Variants in KCNH7 observed in about 807,000 individuals in gnomAD.
KCNH7 encodes voltage-gated inwardly rectifying potassium channel KCNH7.
Under a neutral mutation model 120.8 loss-of-function variants are expected in KCNH7, and 49 were observed. That is an observed-to-expected ratio of 0.41 (90% confidence interval 0.32 to 0.51). KCNH7 has a LOEUF of 0.51. Among genes scored for constraint, KCNH7 ranks in the 20% least tolerant of loss-of-function variants. KCNH7 has a pLI of 0.38. For missense variants in KCNH7, 1,097 were observed against 1,446.6 expected, an observed-to-expected ratio of 0.76 and a Z score of 3.92; for synonymous variants, 547 against 516.1, an observed-to-expected ratio of 1.06 and a Z score of -0.81.
chr2:162,595,489 T>C (rs545878798), intron 2 of KCNH7, among the ~76,000 whole-genome samples: 1 of 151,952 alleles, frequency 6.6e-6, no homozygotes, highest in Admixed American at 6.6e-5. Context: ...TCATAATAAA[T>C]GCAGAAAAAG....
chr2:162,423,740 C>T (rs1455300012), intron 8 of KCNH7, among the ~76,000 whole-genome samples: 1 of 152,102 alleles, frequency 6.6e-6, no homozygotes, highest in Non-Finnish European at 1.5e-5. Flanking sequence ...TATCCAAATT[C>T]ATCATGGATT....
chr2:162,418,743 A>G (rs1377589848), intron 9 of KCNH7, among the ~76,000 whole-genome samples: 1 of 152,164 alleles, frequency 6.6e-6, no homozygotes, highest in Non-Finnish European at 1.5e-5. Flanking sequence ...AGAGAAACTA[A>G]AAGAGTTGTG....
At chr2:162,437,296 G>T (rs931458262) in intron 7 of KCNH7, among the ~76,000 whole-genome samples, 1 of 152,020 alleles carries the variant, frequency 6.6e-6, no homozygotes, top group African/African-American at 2.4e-5. Context: ...ACTAGACTCT[G>T]GTCTCTGCTC....
At chr2:162,509,730 T>C (rs1691001605) in intron 5 of KCNH7, among the ~76,000 whole-genome samples, 1 of 151,622 alleles carries the variant, frequency 6.6e-6, no homozygotes, top group Admixed American at 6.6e-5. Flanking sequence ...AGGCAGCCTA[T>C]GAGAAACAAG....
At chr2:162,438,578 GTC>G (rs1177511121) in intron 7 of KCNH7, among the ~76,000 whole-genome samples, 1 of 152,132 alleles carries the variant, frequency 6.6e-6, no homozygotes, top group East Asian at 1.9e-4. Flanking sequence ...TAGTAATTAT[GTC>G]TCTCAGTTGC....
chr2:162,615,738 C>T lies in KCNH7; in HGVS notation c.308-78658G>A, dbSNP rs1021610255. On this transcript the variant is annotated intron_variant, in intron 2 of 15. Transcript: ENST00000332142. The stretch of plus-strand genomic sequence containing the variant: ...TAAAACAATGAGGTTATGAAACTCT[C>T]CTGTTGTTTCACTCTATTTTTTTTA... Among the ~76,000 whole-genome samples the T allele has an allele frequency of 2.6e-5, 4 of 152,084 alleles. No homozygotes were observed. In the East Asian group the frequency reaches 7.7e-4, roughly 29 times the overall value.
chr2:162,684,161 A>G (rs1336183298), intron 2 of KCNH7, among the ~76,000 whole-genome samples: 5 of 152,164 alleles, frequency 3.3e-5, no homozygotes, highest in Non-Finnish European at 7.4e-5. Flanking sequence ...GAAAACTGTA[A>G]CTGGACCCCT....
intron 5 of KCNH7, among the ~76,000 whole-genome samples, chr2:162,511,221 G>C (rs1361792554): frequency 6.6e-6 from 1 of 151,630 alleles, no homozygotes; most frequent in Non-Finnish European, 1.5e-5. Context: ...ACATATATGT[G>C]AACTAGTAGT....
chr2:162,529,151 T>A (rs1691826060), intron 3 of KCNH7, among the ~76,000 whole-genome samples: 1 of 151,934 alleles, frequency 6.6e-6, no homozygotes, highest in African/African-American at 2.4e-5. Flanking sequence ...TAAAGAAAGA[T>A]ATGAGCTGGA....
intron 3 of KCNH7, among the ~76,000 whole-genome samples, chr2:162,526,131 C>A (rs536090754): frequency 6.6e-6 from 1 of 151,774 alleles, no homozygotes; most frequent in South Asian, 2.1e-4. Context: ...GTGATGCCCC[C>A]TGAGCTGTAA....
At position 162,379,865 on chromosome 2, in the gene KCNH7, T is replaced by C; in HGVS notation, c.3119A>G (p.Glu1040Gly). Residue 1040 changes from glutamate to glycine, a missense_variant, in exon 14 of 16, where the codon GAG (glutamate) becomes GGG (glycine). Glu to Gly is a moderately conservative substitution (Grantham distance 98). This residue lies in a region of KCNH7 where 406 missense variants were observed against 410.5 expected (regional missense o/e 0.99). Transcript: ENST00000332142. ...EVEQRLDLLQ[E>G]QLNRLESQMT... ...TCACTGCTTATACCTGTTAAGTTGC[T>C]CCTGGAGCAGATCTAATCTTTGTTC... is the stretch of plus-strand genomic sequence containing the variant. 2 of 1,613,980 alleles carry C rather than the reference T, an allele frequency of 1.2e-6. No individual in the cohort carries two copies. Among genetic ancestry groups the C allele is most frequent in the Non-Finnish European group, 1.7e-6 (2 of 1,179,892 alleles).
intron 2 of KCNH7, among the ~76,000 whole-genome samples, chr2:162,738,607 G>A (rs1246193298): frequency 6.6e-6 from 1 of 152,114 alleles, no homozygotes; most frequent in Admixed American, 6.6e-5. Context: ...CTGAGTTGAT[G>A]CTGATAGAGC....
chr2:162,607,329 GCAGTGAGCCAAGATTGT>G (rs1682813779), intron 2 of KCNH7, among the ~76,000 whole-genome samples: 1 of 151,594 alleles, frequency 6.6e-6, no homozygotes, highest in Non-Finnish European at 1.5e-5. Flanking sequence ...GGTGGAAGTT[GCAGTGAGCCAAGATTGT>G]CCCACTGCAC....
intron 2 of KCNH7, among the ~76,000 whole-genome samples, chr2:162,690,700 C>T (rs1686070713): frequency 6.7e-6 from 1 of 148,576 alleles, no homozygotes; most frequent in Non-Finnish European, 1.5e-5. Flanking sequence ...TTATACAACC[C>T]AACAAGGACA....
intron 2 of KCNH7, among the ~76,000 whole-genome samples, chr2:162,782,106 T>A (rs1683516865): frequency 6.6e-6 from 1 of 152,246 alleles, no homozygotes; most frequent in Non-Finnish European, 1.5e-5. Context: ...TTTTATTAAA[T>A]ACATTCAACA....
chr2:162,673,721 A>G (rs1184302854), intron 2 of KCNH7, among the ~76,000 whole-genome samples: 1 of 152,076 alleles, frequency 6.6e-6, no homozygotes, highest in Non-Finnish European at 1.5e-5. Flanking sequence ...GGAATAAATG[A>G]GTGTTTTTGT....
rs192271601 is a variant in KCNH7, at chr2:162,623,541, G to A, written c.308-86461C>T. Among the ~76,000 whole-genome samples, 13 of 152,194 alleles carry A rather than the reference G, an allele frequency of 8.5e-5. No homozygotes were observed. In the South Asian group the frequency reaches 1.0e-3, roughly 12 times the overall value. Reference sequence around the variant, plus strand: ...TCATGGACACACACTGAAAAACACCGATGTAATTAAAGTTCCTCTTAAGGT... The same window carrying A: ...TCATGGACACACACTGAAAAACACCAATGTAATTAAAGTTCCTCTTAAGGT... On this transcript the variant is annotated intron_variant, in intron 2 of 15. Coordinates refer to ENST00000332142, the MANE Select transcript of KCNH7 (RefSeq NM_033272.4).
intron 2 of KCNH7, among the ~76,000 whole-genome samples, chr2:162,621,328 A>G (rs1242604460): frequency 7.7e-6 from 1 of 130,450 alleles, no homozygotes; most frequent in Non-Finnish European, 1.5e-5. Context: ...TACTGAAGAC[A>G]TGCCCCTGCC....
chr2:162,474,587 T>C (rs1689669310), intron 6 of KCNH7, among the ~76,000 whole-genome samples: 1 of 152,224 alleles, frequency 6.6e-6, no homozygotes, highest in African/African-American at 2.4e-5. Flanking sequence ...GGATACAATA[T>C]AGCAGAGGTG....
Sources: allele counts gnomAD v4.1 joint callset (sites outside exome capture counted in the v4.1 genomes callset), GRCh38; gene constraint gnomAD v4.1.1; regional missense constraint gnomAD v4.1.1; transcripts MANE v1.5; gene names NCBI Gene and HGNC (gene_info 2026-07-23, HGNC 2026-07-21).